Variants in PDE1C observed in about 807,000 individuals in gnomAD.
PDE1C encodes the protein dual specificity calcium/calmodulin-dependent 3',5'-cyclic nucleotide phosphodiesterase 1C.
A neutral mutation model predicts 93.1 loss-of-function variants in PDE1C; 62 were observed. The ratio of observed to expected loss-of-function variants is 0.67; its 90% CI spans 0.54 to 0.82. The LOEUF is 0.82. Ranked by LOEUF, PDE1C falls within the 40% of genes least tolerant of loss-of-function variation. The probability of loss-of-function intolerance (pLI) is 0.00; values close to 1 mark genes in which losing one functional copy is unlikely to be tolerated. For synonymous variants in PDE1C, 325 were observed against 310.1 expected (o/e 1.05, Z -0.50); for missense variants, 742 against 884.6 (o/e 0.84, Z 2.04).
intron 2 of PDE1C, among the ~76,000 whole-genome samples, chr7:32,198,238 T>A (rs763221382): frequency 6.6e-6 from 1 of 152,172 alleles, no homozygotes; most frequent in African/African-American, 2.4e-5. Context: ...ATTTAAAATT[T>A]CAGGTCAACA....
intron 1 of PDE1C, among the ~76,000 whole-genome samples, chr7:32,408,699 G>A (rs1194943037): frequency 6.6e-6 from 1 of 152,148 alleles, no homozygotes; most frequent in Non-Finnish European, 1.5e-5. Flanking sequence ...TGAGGCAGGA[G>A]AATCGCTTGA....
At chr7:31,736,587 T>G in the PDE1C span, among the ~76,000 whole-genome samples, 4 of 152,202 alleles carry the variant, frequency 2.6e-5, no homozygotes, top group Non-Finnish European at 4.4e-5. Context: ...CAGGAAAAAT[T>G]GTCACATTGC....
At chr7:32,390,115 C>T (rs1329485199) in intron 1 of PDE1C, among the ~76,000 whole-genome samples, 1 of 151,802 alleles carries the variant, frequency 6.6e-6, no homozygotes, top group African/African-American at 2.4e-5. Context: ...CTGTTAAGTT[C>T]TATAAAAGAC....
intron 6 of PDE1C, among the ~76,000 whole-genome samples, chr7:31,866,305 T>A (rs771845405): frequency 3.9e-5 from 6 of 152,240 alleles, no homozygotes; most frequent in African/African-American, 1.4e-4. Context: ...TGCAGAATTT[T>A]AAAAATTAAA....
chr7:31,788,972 T>A (rs1784289111), intron 16 of PDE1C: 1 of 152,210 alleles, frequency 6.6e-6, no homozygotes, highest in Non-Finnish European at 1.5e-5. Context: ...TTTAAATATC[T>A]GTTCTCGTGC....
chr7:32,070,890 G>T (rs79798026), upstream of PDE1C: 3,844 of 985,520 alleles, frequency 3.9e-3, 141 homozygotes, highest in African/African-American at 0.063. Context: ...TGACCCGGAC[G>T]CCGCGCACCC....
At chr7:31,895,224 G>A (rs773930798) in intron 2 of PDE1C, among the ~76,000 whole-genome samples, 5 of 152,174 alleles carry the variant, frequency 3.3e-5, no homozygotes, top group Non-Finnish European at 5.9e-5. Context: ...CACTGCCATG[G>A]ATGAGGGACA....
chr7:31,833,091 CT>C (rs1213065907), intron 11 of PDE1C, among the ~76,000 whole-genome samples: 1 of 152,152 alleles, frequency 6.6e-6, no homozygotes, highest in African/African-American at 2.4e-5. Flanking sequence ...TTCCTCCATA[CT>C]GTTTTCATGA....
At chr7:32,396,022 A>G (rs755830857) in intron 1 of PDE1C, among the ~76,000 whole-genome samples, 31 of 152,332 alleles carry the variant, frequency 2.0e-4, no homozygotes, top group Middle Eastern at 3.4e-3. Flanking sequence ...ATCACAATAA[A>G]AATATCAACA....
chr7:32,396,140 T>C (rs1784836629), intron 1 of PDE1C, among the ~76,000 whole-genome samples: 1 of 152,174 alleles, frequency 6.6e-6, no homozygotes, highest in Non-Finnish European at 1.5e-5. Flanking sequence ...GAGGGTGGAC[T>C]AGCCCCAGCA....
At chr7:32,108,060 A>G (rs147829028) in intron 3 of PDE1C, among the ~76,000 whole-genome samples, 2 of 151,836 alleles carry the variant, frequency 1.3e-5, no homozygotes, top group African/African-American at 4.8e-5. Context: ...AAAACCAGAG[A>G]AGACAAAAAA....
At chr7:31,762,499 C>G (rs1794897393) in intron 17 of PDE1C, among the ~76,000 whole-genome samples, 1 of 152,032 alleles carries the variant, frequency 6.6e-6, no homozygotes, top group Admixed American at 6.6e-5. Context: ...CCCACCATGC[C>G]TAGATAATTT....
intron 1 of PDE1C, among the ~76,000 whole-genome samples, chr7:32,366,297 A>G (rs1457138866): frequency 1.3e-5 from 2 of 152,234 alleles, no homozygotes; most frequent in Admixed American, 6.5e-5. Context: ...AAAAAGTACA[A>G]TTGAGAGCTT....
chr7:32,080,073 T>C (rs1264229912), intron 3 of PDE1C, among the ~76,000 whole-genome samples: 1 of 152,106 alleles, frequency 6.6e-6, no homozygotes, highest in Non-Finnish European at 1.5e-5. Context: ...GTGCAAAGAT[T>C]ATTAAGCAGG....
At chr7:31,912,543 C>T (rs548789059) in intron 2 of PDE1C, among the ~76,000 whole-genome samples, 1 of 152,082 alleles carries the variant, frequency 6.6e-6, no homozygotes, top group East Asian at 1.9e-4. Context: ...AAAAATGAGC[C>T]AGGTGTGGTG....
At chr7:31,743,774 C>T in the PDE1C span, among the ~76,000 whole-genome samples, 1 of 152,012 alleles carries the variant, frequency 6.6e-6, no homozygotes, top group Non-Finnish European at 1.5e-5. Context: ...GTAGTAACTC[C>T]CAAGAAGTCA....
In PDE1C at chr7:32,408,326, A is replaced by T. The variant is rs149406561; in HGVS notation, c.310+19496T>A. Among the ~76,000 whole-genome samples, 79 of 152,320 alleles carry T rather than the reference A, an allele frequency of 5.2e-4. No individual in the cohort carries two copies. The East Asian group carries it at 0.011, about 22-fold the overall frequency. ...TCAGGACAGCATCCAATGAGGCTGC[A>T]GTGGAGTGAGTGCAGGCAACCACAC... On this transcript the variant is annotated intron_variant, in intron 1 of 1. Transcript: ENST00000672256.
At chr7:32,202,971 C>T (rs1203392651) in intron 2 of PDE1C, among the ~76,000 whole-genome samples, 1 of 152,100 alleles carries the variant, frequency 6.6e-6, no homozygotes, top group Non-Finnish European at 1.5e-5. Flanking sequence ...ACTTTATACC[C>T]ATGGAGCAAC....
intron 1 of PDE1C, among the ~76,000 whole-genome samples, chr7:32,379,784 T>G (rs571006604): frequency 3.3e-5 from 5 of 152,214 alleles, no homozygotes; most frequent in Non-Finnish European, 2.9e-5. Flanking sequence ...CATTTCTAAG[T>G]CCAGAAATCT....
Sources: gnomAD v4.1 joint callset for allele counts (sites outside exome capture counted in the v4.1 genomes callset) on GRCh38, gnomAD v4.1.1 for gene constraint, MANE v1.5 for transcripts, NCBI Gene and HGNC (gene_info 2026-07-23, HGNC 2026-07-21) for gene names.